ASIC2: variants seen among roughly 807,000 people sequenced by gnomAD.
The protein encoded by ASIC2 is acid-sensing ion channel 2.
Under a neutral mutation model 57.3 loss-of-function variants are expected in ASIC2, and 25 were observed. The observed-to-expected ratio is 0.44, with a 90% CI of 0.32 to 0.61. The LOEUF (loss-of-function observed/expected upper bound fraction) is 0.61, where lower values mean the gene tolerates loss of function less well. Among genes scored for constraint, ASIC2 ranks in the 20% least tolerant of loss-of-function variants. ASIC2 has a pLI of 0.06. For synonymous variants in ASIC2, 319 were observed against 307.5 expected (o/e 1.04, Z -0.39); for missense variants, 641 against 738.1 (o/e 0.87, Z 1.52).
At chr17:33,785,150 G>A (rs1235121640) in intron 1 of ASIC2, among the ~76,000 whole-genome samples, 3 of 151,992 alleles carry the variant, frequency 2.0e-5, no homozygotes, top group Non-Finnish European at 4.4e-5. Context: ...AATATGACTG[G>A]TGTCCTTATA....
At chr17:33,598,261 C>T (rs1905036542) in intron 1 of ASIC2, among the ~76,000 whole-genome samples, 2 of 152,228 alleles carry the variant, frequency 1.3e-5, no homozygotes, top group South Asian at 4.1e-4. Context: ...TATGTGGCTG[C>T]CTTCTCTTAT....
chr17:33,583,009 G>T (rs1406689175), intron 1 of ASIC2, among the ~76,000 whole-genome samples: 1 of 152,196 alleles, frequency 6.6e-6, no homozygotes, highest in Non-Finnish European at 1.5e-5. Flanking sequence ...GGTTGGGCTG[G>T]CTCTCACCCT....
intron 1 of ASIC2, among the ~76,000 whole-genome samples, chr17:33,871,642 G>T (rs1050067359): frequency 6.6e-6 from 1 of 152,158 alleles, no homozygotes; most frequent in Non-Finnish European, 1.5e-5. Context: ...TTCTCTCAGG[G>T]CAGCCTCCTT....
At chr17:33,570,739 C>T (rs1853650271) in intron 1 of ASIC2, among the ~76,000 whole-genome samples, 1 of 152,172 alleles carries the variant, frequency 6.6e-6, no homozygotes, top group Admixed American at 6.5e-5. Context: ...AATTTAGGAG[C>T]TCCCTGGATA....
chr17:33,468,383 A>G (rs1489316356), intron 1 of ASIC2, among the ~76,000 whole-genome samples: 1 of 152,236 alleles, frequency 6.6e-6, no homozygotes, highest in African/African-American at 2.4e-5. Context: ...GAAGATTCTG[A>G]AAAGGATTAA....
chr17:33,139,401 C>A (rs2092378708), intron 1 of ASIC2, among the ~76,000 whole-genome samples: 1 of 152,234 alleles, frequency 6.6e-6, no homozygotes, highest in Non-Finnish European at 1.5e-5. Flanking sequence ...TTGGAAAAAT[C>A]TTTCAGTCCA....
chr17:33,268,803 G>C (rs1384874348), intron 1 of ASIC2, among the ~76,000 whole-genome samples: 1 of 152,174 alleles, frequency 6.6e-6, no homozygotes, highest in African/African-American at 2.4e-5. Context: ...CTGAAGCTCA[G>C]AAAGTTTATG....
At chr17:33,810,874 T>TACACACACACAC (rs34187408) in intron 1 of ASIC2, among the ~76,000 whole-genome samples, 1 of 149,896 alleles carries the variant, frequency 6.7e-6, no homozygotes, top group Non-Finnish European at 1.5e-5. Flanking sequence ...CACACACACA[T>TACACACACACAC]ACACACACAC....
At chr17:34,148,640 G>C (rs1441747566) in intron 1 of ASIC2, among the ~76,000 whole-genome samples, 1 of 152,206 alleles carries the variant, frequency 6.6e-6, no homozygotes, top group Non-Finnish European at 1.5e-5. Flanking sequence ...AAGAACCAGA[G>C]TTGACTCAAA....
intron 1 of ASIC2, among the ~76,000 whole-genome samples, chr17:33,949,305 T>C (rs1904485587): frequency 1.3e-5 from 2 of 152,242 alleles, no homozygotes; most frequent in South Asian, 4.1e-4. Context: ...AGGACCCTGC[T>C]CAGTGCAGAT....
chr17:33,901,797 T>C (rs1310031079), intron 1 of ASIC2, among the ~76,000 whole-genome samples: 1 of 152,178 alleles, frequency 6.6e-6, no homozygotes, highest in African/African-American at 2.4e-5. Context: ...CAAAATTGTC[T>C]TGGAAGCTTT....
chr17:34,037,733 G>A, intron 1 of ASIC2: 1 of 1,614,158 alleles, frequency 6.2e-7, no homozygotes, highest in Admixed American at 1.7e-5. Context: ...GGGATCACAG[G>A]CCAGCTGCTG....
Position 33,855,049 on chromosome 17 carries a change from T to C in ASIC2, c.555+300929A>G, listed in dbSNP as rs533778669. Among the ~76,000 whole-genome samples, 5 of 152,048 alleles carry C rather than the reference T, an allele frequency of 3.3e-5. No individual in the cohort carries two copies. In the East Asian group the frequency reaches 9.7e-4, roughly 30 times the overall value. On this transcript the variant is annotated intron_variant, in intron 1 of 9. Coordinates refer to the ASIC2 transcript ENST00000359872. ...TTCCTTCTGAGATGGGGGCAGGGGA[T>C]GGAAGGGCATGCCGGCAGCAGAAAG...
intron 1 of ASIC2, among the ~76,000 whole-genome samples, chr17:33,177,300 T>A (rs1468177237): frequency 6.6e-6 from 1 of 152,116 alleles, no homozygotes; most frequent in Non-Finnish European, 1.5e-5. Context: ...GAGCCCGAGA[T>A]CCACCATTAA....
At chr17:34,142,239 C>T (rs1912290912) in intron 1 of ASIC2, among the ~76,000 whole-genome samples, 1 of 152,126 alleles carries the variant, frequency 6.6e-6, no homozygotes, top group African/African-American at 2.4e-5. Flanking sequence ...GAGACCCTGC[C>T]CAATCACTCC....
intron 1 of ASIC2, among the ~76,000 whole-genome samples, chr17:33,619,828 G>C (rs1905723999): frequency 6.6e-6 from 1 of 151,646 alleles, no homozygotes; most frequent in Admixed American, 6.6e-5. Context: ...ATGCAACCTA[G>C]CAGATATTAT....
chr17:33,373,255 G>A (rs939947938), intron 1 of ASIC2, among the ~76,000 whole-genome samples: 1 of 152,184 alleles, frequency 6.6e-6, no homozygotes, highest in Non-Finnish European at 1.5e-5. Flanking sequence ...TGGGGACAGG[G>A]TGTTCTGAAA....
At chr17:33,969,233 T>C (rs1008201320) in intron 1 of ASIC2, among the ~76,000 whole-genome samples, 3 of 152,258 alleles carry the variant, frequency 2.0e-5, no homozygotes, top group African/African-American at 7.2e-5. Flanking sequence ...AAGAAGTGTA[T>C]GTTTATCTCA....
At chr17:33,145,679 A>G (rs1432403997) in intron 1 of ASIC2, among the ~76,000 whole-genome samples, 1 of 152,240 alleles carries the variant, frequency 6.6e-6, no homozygotes, top group Non-Finnish European at 1.5e-5. Context: ...TTCATCTATG[A>G]AAATGAGGGA....
Sources: gnomAD v4.1 joint callset for allele counts (sites outside exome capture counted in the v4.1 genomes callset) on GRCh38, gnomAD v4.1.1 for gene constraint, MANE v1.5 for transcripts, NCBI Gene and HGNC (gene_info 2026-07-23, HGNC 2026-07-21) for gene names.